Variants in GNA11 observed in about 807,000 individuals in gnomAD.
GNA11 encodes the protein guanine nucleotide-binding protein subunit alpha-11.
A neutral mutation model predicts 38.2 loss-of-function variants in GNA11; 8 were observed. That is an observed-to-expected ratio of 0.21 (90% CI 0.12 to 0.38). The LOEUF (loss-of-function observed/expected upper bound fraction) is 0.38. Ranked by LOEUF, GNA11 falls within the 10% of genes least tolerant of loss-of-function variation. The probability of loss-of-function intolerance (pLI) is 1.00; values close to 1 mark genes in which losing one functional copy is unlikely to be tolerated. For synonymous variants in GNA11, 211 were observed against 221.4 expected (o/e 0.95, Z 0.42); for missense variants, 268 against 516.3 (o/e 0.52, Z 4.66).
intron 3 of GNA11, 134 bp from the exon 4 acceptor site, chr19:3,114,810 C>T (rs1418822928): frequency 6.2e-6 from 5 of 811,686 alleles, no homozygotes; most frequent in Non-Finnish European, 9.7e-6. Flanking sequence ...GCTTCAGACA[C>T]TGCCGTAGGT....
At chr19:3,097,381 G>A (rs1398481092) in intron 1 of GNA11, among the ~76,000 whole-genome samples, 1 of 152,152 alleles carries the variant, frequency 6.6e-6, no homozygotes, top group Non-Finnish European at 1.5e-5. Context: ...CTCCCGTACA[G>A]CGTTGTGGAG....
At position 3,108,190 on chromosome 19, in the gene GNA11, C is replaced by T. The variant is rs902870877; in HGVS notation, c.137-1959C>T. Among the ~76,000 whole-genome samples the T allele has an allele frequency of 7.2e-5, 11 of 152,150 alleles. No individual in the cohort carries two copies. The highest frequency in any genetic ancestry group is 1.7e-4 in the African/African-American group (7 of 41,434). ...TTCCTGGGCTTTGTCGAGGGCCTCC[C>T]GAAGGCAGCACTGTGGCCACCGTGG... On this transcript the variant is annotated intron_variant, in intron 1 of 6. Coordinates refer to ENST00000078429, the MANE Select transcript of GNA11 (RefSeq NM_002067.5). The surrounding 1 kb of genome is among the most constrained non-coding windows in gnomAD (Gnocchi z 4.5).
chr19:3,103,462 C>G (rs1913553615), intron 1 of GNA11, among the ~76,000 whole-genome samples: 1 of 149,570 alleles, frequency 6.7e-6, no homozygotes, highest in African/African-American at 2.5e-5. Context: ...ATCCGCTTGC[C>G]TTGGCCTCCC....
At chr19:3,105,979 A>G (rs555992290) in intron 1 of GNA11, among the ~76,000 whole-genome samples, 5 of 152,122 alleles carry the variant, frequency 3.3e-5, no homozygotes, top group East Asian at 1.9e-4. Context: ...GGGCTCACAC[A>G]TTGTCTCAGG....
Position 3,123,965 on chromosome 19 carries a change from C to CTGAAT in GNA11, c.*2787_*2788insGAATT, listed in dbSNP as rs1568287208. Reference sequence around the variant, plus strand: ...TTTCATATCTTTCTCCTGAAATGAACTCTGTTTTAAATTGGAATAAATTTT... The same window carrying CTGAAT: ...TTTCATATCTTTCTCCTGAAATGAACTGAATTCTGTTTTAAATTGGAATAAATTTT... On this transcript the variant is annotated 3_prime_UTR_variant, in exon 7 of 7. Coordinates refer to ENST00000078429, the MANE Select transcript of GNA11 (RefSeq NM_002067.5). 1.3e-5 allele frequency: 3 copies of CTGAAT among 225,992 alleles called. No homozygotes were observed. The East Asian group carries it at 1.9e-4, about 14-fold the overall frequency. 14.0% of individuals were successfully genotyped at this position (225,992 alleles called of 1,614,324 possible).
rs1434347889 is a variant in GNA11 at position 3,120,017 on chromosome 19, T to C, written c.889+658T>C. On this transcript the variant is annotated intron_variant, in intron 6 of 6. Transcript: ENST00000078429. This position sits in a 1 kb window ranked among gnomAD's most constrained non-coding sequence, Gnocchi z 5.9. ...TGTGTGCCCTCGTCTGTGTGGTCAGTGGCTGCCGTTAGTGCTGTCACCACT... is the reference window on the plus strand; with the variant it reads ...TGTGTGCCCTCGTCTGTGTGGTCAGCGGCTGCCGTTAGTGCTGTCACCACT... Among the ~76,000 whole-genome samples the C allele has an allele frequency of 6.6e-6, 1 of 152,002 alleles. No individual in the cohort carries two copies. The highest frequency in any genetic ancestry group is 1.5e-5 in the Non-Finnish European group (1 of 67,946).
Position 3,110,786 on chromosome 19 carries a change from T to TTTTTTG in GNA11, c.321+457_321+458insTGTTTT, listed in dbSNP as rs148802883. On this transcript the variant is annotated intron_variant, in intron 2 of 6. Coordinates refer to ENST00000078429, the MANE Select transcript of GNA11 (RefSeq NM_002067.5). This position sits in a 1 kb window ranked among gnomAD's most constrained non-coding sequence, Gnocchi z 5.4. The stretch of plus-strand genomic sequence containing the variant: ...GTACTTCTCACCTTCTCACACTGTT[T>TTTTTTG]TTTTGTTTTGTTTTGTTTTGTTTTG... Among the ~76,000 whole-genome samples, 1 of 150,520 alleles carries TTTTTTG rather than the reference T, an allele frequency of 6.6e-6. No individual in the cohort carries two copies. Among genetic ancestry groups the TTTTTTG allele is most frequent in the African/African-American group, 2.4e-5 (1 of 40,958 alleles).
At chr19:3,095,122 C>G (rs1411479489) in intron 1 of GNA11, among the ~76,000 whole-genome samples, 1 of 152,088 alleles carries the variant, frequency 6.6e-6, no homozygotes, top group Non-Finnish European at 1.5e-5. Flanking sequence ...CCGGGGTCAG[C>G]TGCGGGCCCC....
chr19:3,101,571 G>A (rs562905446), intron 1 of GNA11, among the ~76,000 whole-genome samples: 2 of 151,858 alleles, frequency 1.3e-5, no homozygotes, highest in Admixed American at 6.6e-5. Flanking sequence ...CCTGGGCTCC[G>A]GACTCCTGCC....
intron 1 of GNA11, among the ~76,000 whole-genome samples, chr19:3,109,303 G>T (rs1461435286): frequency 6.6e-6 from 1 of 152,204 alleles, no homozygotes; most frequent in African/African-American, 2.4e-5. Context: ...GAATGTGTGG[G>T]GGGCTCATCT....
rs10405365 is a variant in GNA11 at position 3,120,002 on chromosome 19, C to T, written c.889+643C>T. Among the ~76,000 whole-genome samples the T allele has an allele frequency of 3.9e-5, 6 of 152,080 alleles. No individual in the cohort carries two copies. The highest frequency in any genetic ancestry group is 2.1e-4 in the South Asian group (1 of 4,812). On this transcript the variant is annotated intron_variant, in intron 6 of 6. Coordinates refer to ENST00000078429, the MANE Select transcript of GNA11 (RefSeq NM_002067.5). The surrounding 1 kb of genome is among the most constrained non-coding windows in gnomAD (Gnocchi z 5.9). ...GCCAGGGGAGGGTGTTGTGTGCCCT[C>T]GTCTGTGTGGTCAGTGGCTGCCGTT... is the stretch of plus-strand genomic sequence containing the variant.
intron 1 of GNA11, among the ~76,000 whole-genome samples, chr19:3,103,847 G>A (rs3865520): frequency 0.3 from 45,332 of 151,734 alleles, 7,497 homozygotes; most frequent in Middle Eastern, 0.38. Context: ...CACCATGCCC[G>A]GCTAATTTTT....
chr19:3,101,362 C>G (rs10422304), intron 1 of GNA11, among the ~76,000 whole-genome samples: 137,510 of 152,082 alleles, frequency 0.9, 62,393 homozygotes, highest in East Asian at 1. Flanking sequence ...GCAGCCCCCA[C>G]GGCTGTGGTG....
At chr19:3,118,506 C>T (rs1913981393) in intron 4 of GNA11, 1 of 189,794 alleles carries the variant, frequency 5.3e-6, no homozygotes, top group Non-Finnish European at 1.1e-5. Context: ...GTGTTTACTC[C>T]TGCGAGTGAC....
At chr19:3,109,592 G>A (rs1269173279) in intron 1 of GNA11, among the ~76,000 whole-genome samples, 2 of 152,354 alleles carry the variant, frequency 1.3e-5, no homozygotes, top group East Asian at 3.9e-4. Flanking sequence ...GAGGGAGAGG[G>A]GAGAGCCTCG....
chr19:3,095,476 C>G (rs1913340034), intron 1 of GNA11, among the ~76,000 whole-genome samples: 1 of 151,782 alleles, frequency 6.6e-6, no homozygotes, highest in Non-Finnish European at 1.5e-5. Flanking sequence ...CAGGCAGAGC[C>G]CTGTACACTC....
At chr19:3,116,831 C>T (rs555624461) in intron 4 of GNA11, among the ~76,000 whole-genome samples, 1 of 152,332 alleles carries the variant, frequency 6.6e-6, no homozygotes, top group Admixed American at 6.5e-5. Context: ...TGGTGCACTG[C>T]CGAGGCCATT....
At chr19:3,103,089 G>A (rs892834559) in intron 1 of GNA11, among the ~76,000 whole-genome samples, 1 of 152,210 alleles carries the variant, frequency 6.6e-6, no homozygotes, top group African/African-American at 2.4e-5. Context: ...CTCAGGCGTC[G>A]TAGACGGGAA....
At chr19:3,099,627 T>TCTGGG (rs1913454333) in intron 1 of GNA11, among the ~76,000 whole-genome samples, 1 of 152,134 alleles carries the variant, frequency 6.6e-6, no homozygotes. Context: ...CTCGCTGTCA[T>TCTGGG]CTGGGCCTGG....
Sources: gnomAD v4.1 joint callset for allele counts (sites outside exome capture counted in the v4.1 genomes callset) on GRCh38, gnomAD v4.1.1 for gene constraint, Gnocchi (gnomAD v3.1) non-coding constraint, MANE v1.5 for transcripts, NCBI Gene and HGNC (gene_info 2026-07-23, HGNC 2026-07-21) for gene names.